MMS22L: variants seen among roughly 807,000 people sequenced by gnomAD.
MMS22L encodes the protein MMS22 like, DNA repair protein.
A neutral mutation model predicts 159.1 loss-of-function variants in MMS22L; 74 were observed. The observed-to-expected ratio is 0.47, with a 90% CI of 0.39 to 0.56. The LOEUF (loss-of-function observed/expected upper bound fraction) is 0.56. Ranked by LOEUF, MMS22L falls within the 20% of genes least tolerant of loss-of-function variation. MMS22L has a pLI of 0.00. For synonymous variants in MMS22L, 517 were observed against 506.9 expected (o/e 1.02, Z -0.27); for missense variants, 1,351 against 1,422.1 (o/e 0.95, Z 0.80).
intron 14 of MMS22L, among the ~76,000 whole-genome samples, chr6:97,201,914 T>G (rs1185832900): frequency 6.6e-6 from 1 of 152,206 alleles, no homozygotes; most frequent in Non-Finnish European, 1.5e-5. Flanking sequence ...TTGGACAAGC[T>G]ATGTGTTTAA....
intron 19 of MMS22L, among the ~76,000 whole-genome samples, chr6:97,172,157 T>C (rs771243631): frequency 2.0e-5 from 3 of 152,188 alleles, no homozygotes; most frequent in African/African-American, 7.2e-5. Context: ...TGCCAATATA[T>C]TTATTAATGT....
intron 22 of MMS22L, among the ~76,000 whole-genome samples, chr6:97,156,236 C>T (rs1801826514): frequency 6.6e-6 from 1 of 152,024 alleles, no homozygotes; most frequent in African/African-American, 2.4e-5. Context: ...AGCCCTTTGC[C>T]AGATGGATTG....
At chr6:97,258,369 C>T (rs760593118) in intron 9 of MMS22L, among the ~76,000 whole-genome samples, 24 of 152,086 alleles carry the variant, frequency 1.6e-4, no homozygotes, top group Non-Finnish European at 3.2e-4. Context: ...TGTAATCAGC[C>T]ATTTGTTCAA....
In MMS22L at chr6:97,281,473, T is replaced by C. The variant is rs929164970; in HGVS notation, c.165-111A>G. 1.4e-5 allele frequency: 12 copies of C among 859,130 alleles called. No homozygotes were observed. The Admixed American group carries it at 2.4e-4, about 17-fold the overall frequency. The allele number at this position is 859,130 out of a possible 1,614,324, so 53.2% of individuals were successfully genotyped here. A position where few individuals can be genotyped will look rare whatever the true frequency, so the allele number is the denominator to read the frequency against. On this transcript the variant is annotated intron_variant, in intron 2 of 24. Coordinates refer to ENST00000683635, the MANE Select transcript of MMS22L (RefSeq NM_001350599.2). ...TATTATACATGACATGTATAAAAAG[T>C]CAGAAAATGCCTTGGTACTTTACAC... is the stretch of plus-strand genomic sequence containing the variant.
intron 14 of MMS22L, among the ~76,000 whole-genome samples, chr6:97,199,562 A>G (rs1268914932): frequency 2.0e-5 from 3 of 152,024 alleles, no homozygotes; most frequent in African/African-American, 7.2e-5. Flanking sequence ...TTTTTCTAAA[A>G]CCTCTTAAGC....
Position 97,229,145 on chromosome 6 carries a change from T to A in MMS22L, c.1788A>T (p.Ser596=). Residue 596 remains serine (S), a synonymous_variant, in exon 14 of 25, where the codon TCA becomes TCT. Coordinates refer to ENST00000683635, the MANE Select transcript of MMS22L (RefSeq NM_001350599.2). ...LDIGVLAEKF[S]CAFREKAKEF... is the part of the protein sequence containing the mutation. ...CCTTTGCTTTCTCCCGGAAAGCACA[T>A]GAAAATTTCTCAGCCAAAACACCAA... The A allele has an allele frequency of 6.2e-7, 1 of 1,614,134 alleles. No homozygotes were observed. Among genetic ancestry groups the A allele is most frequent in the Non-Finnish European group, 8.5e-7 (1 of 1,180,016 alleles).
intron 14 of MMS22L, among the ~76,000 whole-genome samples, chr6:97,217,076 T>C (rs2127965198): frequency 6.6e-6 from 1 of 152,278 alleles, no homozygotes; most frequent in African/African-American, 2.4e-5. Context: ...CCTCTGTAAT[T>C]ATGAGAAGAC....
chr6:97,240,134 T>C (rs999832739), intron 11 of MMS22L, among the ~76,000 whole-genome samples: 4 of 152,170 alleles, frequency 2.6e-5, no homozygotes, highest in Non-Finnish European at 5.9e-5. Context: ...TCTATCCAAA[T>C]ATATTATTCT....
intron 14 of MMS22L, among the ~76,000 whole-genome samples, chr6:97,216,219 T>C (rs1345222149): frequency 1.3e-5 from 2 of 152,210 alleles, no homozygotes; most frequent in Non-Finnish European, 2.9e-5. Flanking sequence ...AGGGTAACAG[T>C]AAGATGGTGA....
In MMS22L at chr6:97,269,946, T is replaced by C. The variant is rs1039502485; in HGVS notation, c.653A>G (p.His218Arg). ...WHLLHLHLDI[H>R]WLVLEILYML... ...GTAAAGAATTTCTAGCACCAGCCAATGTATATCCAAGTGGAGATGTAATAA... is the reference window on the plus strand; with the variant it reads ...GTAAAGAATTTCTAGCACCAGCCAACGTATATCCAAGTGGAGATGTAATAA... The change falls in exon 7 of 25, where the codon CAT (histidine) becomes CGT (arginine). Residue 218 changes from histidine to arginine, a missense_variant. Coordinates refer to ENST00000683635, the MANE Select transcript of MMS22L (RefSeq NM_001350599.2). The C allele has an allele frequency of 5.0e-6, 8 of 1,612,602 alleles. No homozygotes were observed. Among genetic ancestry groups the C allele is most frequent in the Non-Finnish European group, 5.9e-6 (7 of 1,179,232 alleles).
Position 97,275,785 on chromosome 6 carries a change from AC to A in MMS22L, c.341-2724del, listed in dbSNP as rs1179707893. On this transcript the variant is annotated intron_variant, in intron 4 of 24. Transcript: ENST00000683635. The stretch of plus-strand genomic sequence containing the variant: ...TTTAGGAGGCCAAGGCGGGAGGATC[AC>A]TTGAGCCCAGAAGTTTGAGACCAGT... 1.4e-4 allele frequency among the ~76,000 whole-genome samples: 21 copies of A among 152,124 alleles called. No individual in the cohort carries two copies. The East Asian group carries it at 4.1e-3, about 29-fold the overall frequency.
intron 14 of MMS22L, among the ~76,000 whole-genome samples, chr6:97,214,482 T>C (rs1415791087): frequency 6.6e-6 from 1 of 152,168 alleles, no homozygotes; most frequent in East Asian, 1.9e-4. Flanking sequence ...TAGTAATGTG[T>C]AGAAGAATAC....
chr6:97,263,371 A>T lies in MMS22L; in HGVS notation c.906T>A (p.His302Gln). The change falls in exon 9 of 25, where the codon CAT (histidine) becomes CAA (glutamine). Residue 302 changes from histidine (H) to glutamine (Q), a missense_variant. Transcript: ENST00000683635. ...ACCATTTACTTCTGTGGTCTAGAAG[A>T]TGAATAAGTAGAACCCATAATTCTT... ...CIKELWVLLIHLLDHRSKWFV... is the reference protein window; with the variant it reads ...CIKELWVLLIQLLDHRSKWFV... 16 of 1,591,058 alleles carry T rather than the reference A, an allele frequency of 1.0e-5. No individual in the cohort carries two copies. The highest frequency in any genetic ancestry group is 1.4e-5 in the Non-Finnish European group (16 of 1,172,704).
chr6:97,169,797 A>T (rs917083277), intron 19 of MMS22L, among the ~76,000 whole-genome samples: 2 of 152,184 alleles, frequency 1.3e-5, no homozygotes, highest in East Asian at 1.9e-4. Context: ...TCACTGGCAT[A>T]TGAAATGATT....
intron 19 of MMS22L, 57 bp from the exon 20 acceptor site, chr6:97,168,297 G>A: frequency 1.3e-6 from 2 of 1,522,452 alleles, no homozygotes; most frequent in Non-Finnish European, 1.8e-6. Flanking sequence ...AGAACATTTT[G>A]TCACTTAATT....
chr6:97,215,682 T>A (rs1808933044), intron 14 of MMS22L, among the ~76,000 whole-genome samples: 5 of 152,158 alleles, frequency 3.3e-5, no homozygotes, highest in Non-Finnish European at 7.4e-5. Context: ...AGTAAAACTG[T>A]GACAAAATCA....
At chr6:97,153,722 T>C (rs759422920) in intron 22 of MMS22L, among the ~76,000 whole-genome samples, 1 of 152,206 alleles carries the variant, frequency 6.6e-6, no homozygotes, top group Non-Finnish European at 1.5e-5. Context: ...TGAAATAATA[T>C]GTGACTTTTG....
chr6:97,242,501 T>G (rs986122943), intron 11 of MMS22L, among the ~76,000 whole-genome samples: 2 of 152,206 alleles, frequency 1.3e-5, no homozygotes, highest in African/African-American at 4.8e-5. Flanking sequence ...GTTAAGTCTC[T>G]TGGAGACAGC....
intron 11 of MMS22L, among the ~76,000 whole-genome samples, chr6:97,240,892 G>T (rs895137493): frequency 6.6e-6 from 1 of 152,144 alleles, no homozygotes; most frequent in Non-Finnish European, 1.5e-5. Flanking sequence ...CTCCCAAAGT[G>T]CTGGGATTAC....
Sources: allele counts gnomAD v4.1 joint callset (sites outside exome capture counted in the v4.1 genomes callset), GRCh38; gene constraint gnomAD v4.1.1; transcripts MANE v1.5; gene names NCBI Gene and HGNC (gene_info 2026-07-23, HGNC 2026-07-21).